Variants in PHEX observed in about 807,000 individuals in gnomAD.
PHEX encodes phosphate regulating endopeptidase X-linked.
In PHEX, 16 loss-of-function variants were observed where a neutral mutation model predicts 68.0. The ratio of observed to expected loss-of-function variants is 0.24; its 90% CI spans 0.16 to 0.36. PHEX has a LOEUF of 0.36. Ranked by LOEUF, PHEX falls within the 10% of genes least tolerant of loss-of-function variation. The pLI is 1.00. For missense variants in PHEX, 480 were observed against 575.5 expected (o/e 0.83, Z 1.70); for synonymous variants, 208 against 205.1 (o/e 1.01, Z -0.12).
intron 18 of PHEX, among the ~76,000 whole-genome samples, chrX:22,224,949 T>TTATCATACAGCGCTGTATGATTTAC (rs1450564281): frequency 8.8e-6 from 1 of 113,810 alleles, no homozygotes; most frequent in Non-Finnish European, 1.9e-5. Flanking sequence ...ATAACATAAA[T>TTATCATACAGCGCTGTATGATTTAC]TATCATACAG....
chrX:22,248,885 A>G lies in PHEX; in HGVS notation c.*932A>G, dbSNP rs183619109. On this transcript the variant is annotated 3_prime_UTR_variant, in exon 22 of 22. Coordinates refer to ENST00000379374, the MANE Select transcript of PHEX (RefSeq NM_000444.6). ...TTTTGAAATGAGCAGACATTGAGAAAACAATTTTCTGATTCCCCATTAGGA... is the reference window on the plus strand; with the variant it reads ...TTTTGAAATGAGCAGACATTGAGAAGACAATTTTCTGATTCCCCATTAGGA... 5.4e-5 allele frequency: 6 copies of G among 111,217 alleles called. No individual in the cohort carries two copies. In the East Asian group the frequency reaches 1.7e-3, roughly 31 times the overall value. The allele number at this position is 111,217 out of a possible 1,213,427, so 9.2% of individuals were successfully genotyped here.
At chrX:22,199,470 C>G in intron 15 of PHEX, among the ~76,000 whole-genome samples, 1 of 112,074 alleles carries the variant, frequency 8.9e-6, no homozygotes, top group Non-Finnish European at 1.9e-5. Context: ...CAGAAGTAAA[C>G]AGTTCCTAAG....
At chrX:22,048,551 T>A (rs1927659246) in intron 3 of PHEX, among the ~76,000 whole-genome samples, 1 of 111,765 alleles carries the variant, frequency 8.9e-6, no homozygotes. Flanking sequence ...ACTACAAGAT[T>A]TCCAGGCATA....
intron 3 of PHEX, among the ~76,000 whole-genome samples, chrX:22,063,646 T>C (rs900283066): frequency 8.9e-6 from 1 of 112,441 alleles, no homozygotes; most frequent in African/African-American, 3.2e-5. Context: ...ACCTTCCCAC[T>C]GGACCAAATT....
At chrX:22,077,775 A>C in intron 5 of PHEX, 73 bp downstream of exon 5, 1 of 710,210 alleles carries the variant, frequency 1.4e-6, no homozygotes, top group Non-Finnish European at 2.3e-6. Context: ...CTGGGGAAAG[A>C]GACTCATGCT....
chrX:22,123,264 C>A (rs1021743126), intron 11 of PHEX, among the ~76,000 whole-genome samples: 1 of 110,704 alleles, frequency 9.0e-6, no homozygotes, highest in Non-Finnish European at 1.9e-5. Flanking sequence ...GTTAGGATTA[C>A]AGGTGTGAGC....
intron 12 of PHEX, among the ~76,000 whole-genome samples, chrX:22,136,037 AT>A (rs72378507): frequency 0.06 from 6,098 of 101,245 alleles, 416 homozygotes; most frequent in African/African-American, 0.19. Context: ...GAAGATGTAA[AT>A]TTTTTTTTTT....
chrX:22,128,867 G>A (rs1393338347), intron 11 of PHEX, among the ~76,000 whole-genome samples: 8 of 75,500 alleles, frequency 1.1e-4, no homozygotes, highest in Non-Finnish European at 1.3e-4. Context: ...CCCAACCCCC[G>A]CCCAGTGGAT....
intron 21 of PHEX, among the ~76,000 whole-genome samples, chrX:22,246,276 A>G (rs1485865744): frequency 1.8e-5 from 2 of 112,041 alleles, no homozygotes; most frequent in African/African-American, 6.5e-5. Context: ...CAAAAACCAT[A>G]ATAATTTATA....
At chrX:22,129,389 A>C (rs1206738919) in intron 11 of PHEX, among the ~76,000 whole-genome samples, 1 of 112,030 alleles carries the variant, frequency 8.9e-6, no homozygotes, top group Non-Finnish European at 1.9e-5. Context: ...CTTCCTAGTA[A>C]TATGTTCATG....
intron 12 of PHEX, among the ~76,000 whole-genome samples, chrX:22,161,423 CAA>C (rs1021636278): frequency 8.0e-5 from 9 of 112,308 alleles, no homozygotes; most frequent in African/African-American, 2.6e-4. Flanking sequence ...GAGACTGTCT[CAA>C]GACAACAACA....
At chrX:22,105,850 G>T (rs1930659760) in intron 9 of PHEX, among the ~76,000 whole-genome samples, 1 of 111,970 alleles carries the variant, frequency 8.9e-6, no homozygotes, top group Admixed American at 9.5e-5. Flanking sequence ...AAATACTTGG[G>T]ATTGGAAGTG....
At chrX:22,214,549 C>G (rs1935025447) in intron 16 of PHEX, among the ~76,000 whole-genome samples, 1 of 112,017 alleles carries the variant, frequency 8.9e-6, no homozygotes, top group Non-Finnish European at 1.9e-5. Flanking sequence ...AACTGTAAAA[C>G]ATGCTTCAGA....
chrX:22,205,945 AG>A (rs1321434744), intron 15 of PHEX, among the ~76,000 whole-genome samples: 2 of 112,349 alleles, frequency 1.8e-5, no homozygotes, highest in African/African-American at 6.5e-5. Context: ...AAACATAAAA[AG>A]GAAGAATATT....
intron 11 of PHEX, among the ~76,000 whole-genome samples, chrX:22,123,653 C>T (rs1012704780): frequency 9.1e-6 from 1 of 109,858 alleles, no homozygotes; most frequent in Non-Finnish European, 1.9e-5. Flanking sequence ...GTTTTGCTGT[C>T]GCTACTCCTC....
chrX:22,139,390 G>A (rs1412501337), intron 12 of PHEX, among the ~76,000 whole-genome samples: 1 of 111,839 alleles, frequency 8.9e-6, no homozygotes, highest in East Asian at 2.8e-4. Context: ...TGGATTTTGT[G>A]GTTTTGAACA....
chrX:22,189,604 A>G (rs1440957539), intron 14 of PHEX, among the ~76,000 whole-genome samples: 1 of 111,915 alleles, frequency 8.9e-6, no homozygotes, highest in African/African-American at 3.2e-5. Context: ...GTACTTGATT[A>G]CTATTGTTAT....
intron 12 of PHEX, among the ~76,000 whole-genome samples, chrX:22,160,423 C>T (rs1045906267): frequency 1.6e-4 from 18 of 110,123 alleles, no homozygotes; most frequent in African/African-American, 5.3e-4. Flanking sequence ...GGTGTGGGCA[C>T]CTGACATCCC....
intron 14 of PHEX, 152 bp from the exon 15 acceptor site, chrX:22,190,292 C>A: frequency 1.8e-6 from 1 of 552,516 alleles, no homozygotes. Flanking sequence ...AGTACAGTAG[C>A]CCCAAACTGA....
Sources: allele counts gnomAD v4.1 joint callset (sites outside exome capture counted in the v4.1 genomes callset), GRCh38; gene constraint gnomAD v4.1.1; transcripts MANE v1.5; gene names NCBI Gene and HGNC (gene_info 2026-07-23, HGNC 2026-07-21).